HCN1: variants seen among roughly 807,000 people sequenced by gnomAD.
HCN1 encodes the protein potassium/sodium hyperpolarization-activated cyclic nucleotide-gated channel 1.
A neutral mutation model predicts 78.9 loss-of-function variants in HCN1; 13 were observed. That is an observed-to-expected ratio of 0.16 (90% CI 0.11 to 0.26). The LOEUF (loss-of-function observed/expected upper bound fraction) is 0.26, where lower values mean the gene tolerates loss of function less well. HCN1 is among the 10% of genes least tolerant of loss of function. The pLI is 1.00. For synonymous variants in HCN1, 552 were observed against 455.5 expected (o/e 1.21, Z -2.70); for missense variants, 810 against 1,154.3 (o/e 0.70, Z 4.32).
chr5:45,512,800 G>T (rs968237198), intron 2 of HCN1, among the ~76,000 whole-genome samples: 1 of 151,954 alleles, frequency 6.6e-6, no homozygotes, highest in Non-Finnish European at 1.5e-5. Flanking sequence ...CTACCCAGTT[G>T]TACCAACTTA....
intron 4 of HCN1, among the ~76,000 whole-genome samples, chr5:45,359,436 A>T (rs745359182): frequency 1.6e-3 from 240 of 149,436 alleles, no homozygotes; most frequent in Non-Finnish European, 2.8e-3. Context: ...TATATATATC[A>T]CCTGATTTAT....
chr5:45,332,192 T>C (rs1746358755), intron 5 of HCN1, among the ~76,000 whole-genome samples: 1 of 151,478 alleles, frequency 6.6e-6, no homozygotes, highest in Non-Finnish European at 1.5e-5. Context: ...TAAAATTTTT[T>C]TGTGGGTACA....
At chr5:45,526,546 G>A (rs1191896899) in intron 2 of HCN1, among the ~76,000 whole-genome samples, 1 of 152,062 alleles carries the variant, frequency 6.6e-6, no homozygotes, top group Non-Finnish European at 1.5e-5. Flanking sequence ...TGTCCCTTCT[G>A]TGCCTACTGA....
chr5:45,505,097 T>C (rs1742271347), intron 2 of HCN1, among the ~76,000 whole-genome samples: 1 of 152,234 alleles, frequency 6.6e-6, no homozygotes, highest in Admixed American at 6.5e-5. Flanking sequence ...AGAAGCTCTT[T>C]AGTTTTAATT....
chr5:45,299,717 C>T (rs1411565871), intron 6 of HCN1, among the ~76,000 whole-genome samples: 1 of 151,832 alleles, frequency 6.6e-6, no homozygotes, highest in East Asian at 1.9e-4. Context: ...TTTGTGAAGC[C>T]TAACAAATAT....
chr5:45,385,922 A>C (rs1041841354), intron 4 of HCN1, among the ~76,000 whole-genome samples: 9 of 152,194 alleles, frequency 5.9e-5, no homozygotes, highest in African/African-American at 1.9e-4. Context: ...GGACCAGCTT[A>C]GCTCTACAAT....
rs550004414 is a variant in HCN1, at chr5:45,364,337, G to C, written c.1231-11091C>G. On this transcript the variant is annotated intron_variant, in intron 4 of 7. Transcript: ENST00000303230. Reference sequence around the variant, plus strand: ...GAGAACAAATCCCTGATCTCGACTCGTAAGCCTGTTTTCCCTTTAAACATC... The same window carrying C: ...GAGAACAAATCCCTGATCTCGACTCCTAAGCCTGTTTTCCCTTTAAACATC... Among the ~76,000 whole-genome samples the C allele has an allele frequency of 1.8e-4, 27 of 152,086 alleles. No homozygotes were observed. The South Asian group carries it at 5.2e-3, about 29-fold the overall frequency.
intron 2 of HCN1, among the ~76,000 whole-genome samples, chr5:45,588,395 C>T (rs892858373): frequency 1.3e-5 from 2 of 152,136 alleles, no homozygotes; most frequent in African/African-American, 4.8e-5. Context: ...TCGAACAACA[C>T]TTGTTTAAAT....
chr5:45,352,124 C>G (rs1015476577), intron 5 of HCN1, among the ~76,000 whole-genome samples: 4 of 152,136 alleles, frequency 2.6e-5, no homozygotes, highest in African/African-American at 9.7e-5. Context: ...TTGGAACCAA[C>G]CCAAATGTCC....
intron 2 of HCN1, chr5:45,576,716 T>C (rs1743954818): frequency 6.6e-6 from 1 of 152,152 alleles, no homozygotes; most frequent in Non-Finnish European, 1.5e-5. Context: ...CAGTATAGTG[T>C]AAACATAACA....
intron 2 of HCN1, among the ~76,000 whole-genome samples, chr5:45,616,703 C>G (rs970947793): frequency 4.0e-5 from 6 of 151,844 alleles, no homozygotes; most frequent in Non-Finnish European, 8.8e-5. Flanking sequence ...GAAAAAATAT[C>G]CTTTGGCTCT....
chr5:45,577,230 ATAATAT>A (rs1380583859), intron 2 of HCN1, among the ~76,000 whole-genome samples: 1 of 152,090 alleles, frequency 6.6e-6, no homozygotes, highest in East Asian at 1.9e-4. Context: ...ACACATGGAA[ATAATAT>A]TAATAGCATC....
At chr5:45,395,563 A>C (rs1331994946) in intron 4 of HCN1, among the ~76,000 whole-genome samples, 1 of 152,196 alleles carries the variant, frequency 6.6e-6, no homozygotes, top group South Asian at 2.1e-4. Context: ...TAAATAAAGC[A>C]GTAACTGAAA....
intron 2 of HCN1, among the ~76,000 whole-genome samples, chr5:45,567,577 A>G (rs921297034): frequency 1.3e-5 from 2 of 151,124 alleles, no homozygotes; most frequent in African/African-American, 4.9e-5. Context: ...ACACACACAC[A>G]CACACACACA....
chr5:45,520,519 A>T (rs994417297), intron 2 of HCN1, among the ~76,000 whole-genome samples: 1 of 151,964 alleles, frequency 6.6e-6, no homozygotes, highest in African/African-American at 2.4e-5. Flanking sequence ...GTACATTGCA[A>T]ATTATAATAT....
intron 1 of HCN1, among the ~76,000 whole-genome samples, chr5:45,647,779 G>A (rs1745580144): frequency 6.6e-6 from 1 of 152,054 alleles, no homozygotes; most frequent in South Asian, 2.1e-4. Context: ...AACTCTATGT[G>A]TGATTTGCAA....
chr5:45,604,974 T>C lies in HCN1; in HGVS notation c.849+40211A>G, dbSNP rs2696012. On this transcript the variant is annotated intron_variant, in intron 2 of 7. Coordinates refer to ENST00000303230, the MANE Select transcript of HCN1 (RefSeq NM_021072.4). ...GGAGTTACCCACATCTCAGCAAATA[T>C]GCAAATCTTTATTTTGCTTTGCTAT... is the stretch of plus-strand genomic sequence containing the variant. 7.3e-3 allele frequency among the ~76,000 whole-genome samples: 1,115 copies of C among 152,138 alleles called. 11 individuals carry two copies. Among genetic ancestry groups the C allele is most frequent in the African/African-American group, 0.026 (1,065 of 41,534 alleles).
intron 2 of HCN1, among the ~76,000 whole-genome samples, chr5:45,591,637 T>C (rs1218176629): frequency 3.9e-5 from 6 of 152,212 alleles, no homozygotes; most frequent in Admixed American, 2.6e-4. Flanking sequence ...GACATTCTTA[T>C]TGTTGAGTAC....
At position 45,695,835 on chromosome 5, in the gene HCN1, G is replaced by T. The variant is rs370113959; in HGVS notation, c.259C>A (p.Pro87Thr). Residue 87 changes from proline (P) to threonine (T), a missense_variant, in exon 1 of 8, where the codon CCC (proline) becomes ACC (threonine). Physicochemically the swap from Pro to Thr is conservative, Grantham distance 38 (BLOSUM62 -1). Around this residue, in one of 6 missense-constraint regions of HCN1, gnomAD observed 170 missense variants for 166.8 expected, o/e 1.02. Transcript: ENST00000303230. ...PAGGFEDAEG[P>T]RRQYGFMQRQ... is the part of the protein sequence containing the mutation. ...TGCATGAAGCCGTACTGCCGCCGGG[G>T]CCCCTCGGCGTCTTCGAAGCCCCCC... 1 of 1,601,824 alleles carries T rather than the reference G, an allele frequency of 6.2e-7. No individual in the cohort carries two copies.
Sources: allele counts gnomAD v4.1 joint callset (sites outside exome capture counted in the v4.1 genomes callset), GRCh38; gene constraint gnomAD v4.1.1; regional missense constraint gnomAD v4.1.1; transcripts MANE v1.5; gene names NCBI Gene and HGNC (gene_info 2026-07-23, HGNC 2026-07-21).